The following NRG3 variants were observed in gnomAD, a reference collection of about 807,000 sequenced individuals.
The protein encoded by NRG3 is neuregulin 3.
A neutral mutation model predicts 66.9 loss-of-function variants in NRG3; 31 were observed. That is an observed-to-expected ratio of 0.46 (90% CI 0.35 to 0.63). NRG3 has a LOEUF of 0.63. NRG3 is among the 20% of genes least tolerant of loss of function. The pLI is 0.00. For missense variants in NRG3, 910 were observed against 878.9 expected (o/e 1.04, Z -0.45); for synonymous variants, 393 against 359.4 (o/e 1.09, Z -1.06).
intron 2 of NRG3, among the ~76,000 whole-genome samples, chr10:82,422,633 T>C (rs2089162483): frequency 7.1e-6 from 1 of 140,926 alleles, no homozygotes; most frequent in African/African-American, 3.1e-5. Flanking sequence ...ACAACATTGT[T>C]TTTTGTTTTG....
intron 2 of NRG3, among the ~76,000 whole-genome samples, chr10:82,419,220 A>G (rs981740665): frequency 6.6e-6 from 1 of 152,320 alleles, no homozygotes. Context: ...AAATTCAGAA[A>G]AGATTCTTAG....
chr10:82,208,885 A>G (rs948673335), intron 1 of NRG3, among the ~76,000 whole-genome samples: 8 of 152,170 alleles, frequency 5.3e-5, no homozygotes, highest in African/African-American at 1.9e-4. Flanking sequence ...AATATAATGC[A>G]CACAGTAATC....
intron 1 of NRG3, among the ~76,000 whole-genome samples, chr10:82,202,136 A>G (rs2074861983): frequency 6.6e-6 from 1 of 152,228 alleles, no homozygotes; most frequent in South Asian, 2.1e-4. Flanking sequence ...ACACAGGTAT[A>G]GATTTAGAGA....
intron 4 of NRG3, among the ~76,000 whole-genome samples, chr10:82,888,834 G>C (rs1379007833): frequency 1.3e-5 from 2 of 152,026 alleles, no homozygotes; most frequent in Non-Finnish European, 2.9e-5. Flanking sequence ...GCCAGGGAAG[G>C]CCTCACTAAG....
chr10:82,042,189 AT>A lies in NRG3; in HGVS notation c.823+166033del, dbSNP rs1247846618. On this transcript the variant is annotated intron_variant, in intron 1 of 8. Coordinates refer to ENST00000372141, the MANE Select transcript of NRG3 (RefSeq NM_001010848.4). ...CGAAACCAAAATTATAGAGAACAGA[AT>A]TTTTTTAAAAAAATTTGAGTATATT... 3.3e-5 allele frequency among the ~76,000 whole-genome samples: 5 copies of A among 152,168 alleles called. No homozygotes were observed. In the South Asian group the frequency reaches 8.3e-4, roughly 25 times the overall value.
chr10:82,782,615 T>C (rs1206024264), intron 3 of NRG3, among the ~76,000 whole-genome samples: 2 of 152,046 alleles, frequency 1.3e-5, no homozygotes, highest in Non-Finnish European at 2.9e-5. Context: ...GGCTACGGGC[T>C]AGAAGAATTT....
chr10:82,524,050 C>A (rs968622566), intron 2 of NRG3, among the ~76,000 whole-genome samples: 2 of 152,102 alleles, frequency 1.3e-5, no homozygotes, highest in Non-Finnish European at 2.9e-5. Flanking sequence ...GATAAGTGGT[C>A]TTCACAATTA....
chr10:82,164,170 G>A (rs1026091416), intron 1 of NRG3, among the ~76,000 whole-genome samples: 1 of 151,926 alleles, frequency 6.6e-6, no homozygotes, highest in Admixed American at 6.6e-5. Context: ...ACCTGTGTAG[G>A]CCTCCCAATG....
intron 2 of NRG3, among the ~76,000 whole-genome samples, chr10:82,624,244 A>G (rs1014740863): frequency 6.6e-6 from 1 of 152,162 alleles, no homozygotes; most frequent in Non-Finnish European, 1.5e-5. Context: ...AAATCTGTAC[A>G]TTTTATTAAA....
At position 82,245,992 on chromosome 10, in the gene NRG3, T is replaced by TG. The variant is rs1290795011; in HGVS notation, c.824-112747_824-112746insG. ...CCAGTCTTCTGGTTTTTTTTTTTTT[T>TG]TTTTTTTTTAACTCAACATATATTG... On this transcript the variant is annotated intron_variant, in intron 1 of 8. Transcript: ENST00000372141. Among the ~76,000 whole-genome samples, 18 of 150,872 alleles carry TG rather than the reference T, an allele frequency of 1.2e-4. No homozygotes were observed. In the South Asian group the frequency reaches 1.3e-3, roughly 11 times the overall value.
chr10:82,951,547 G>A lies in NRG3; in HGVS notation c.1133G>A (p.Cys378Tyr). The change falls in exon 5 of 9, where the codon TGT (cysteine) becomes TAT (tyrosine). Residue 378 changes from cysteine (C) to tyrosine (Y), a missense_variant. Transcript: ENST00000372141. ...IFGIVIVGMF[C>Y]AAFYFKSKKQ... ...GGAATTGTCATCGTGGGCATGTTCT[G>A]TGCAGCATTCTACTTCAAAAGCAAG... is the stretch of plus-strand genomic sequence containing the variant. 1.2e-6 allele frequency: 2 copies of A among 1,613,728 alleles called. No homozygotes were observed. Among genetic ancestry groups the A allele is most frequent in the South Asian group, 1.1e-5 (1 of 91,068 alleles).
At chr10:82,389,943 A>G (rs1589953848) in intron 2 of NRG3, among the ~76,000 whole-genome samples, 1 of 152,182 alleles carries the variant, frequency 6.6e-6, no homozygotes, top group Non-Finnish European at 1.5e-5. Context: ...TACTTGGGCC[A>G]TTTATTGTAC....
intron 1 of NRG3, among the ~76,000 whole-genome samples, chr10:82,349,844 C>A (rs2083307922): frequency 1.3e-5 from 2 of 152,206 alleles, no homozygotes; most frequent in South Asian, 4.1e-4. Context: ...GTGTCTGTCA[C>A]CCCTTTCTTT....
chr10:82,231,705 G>A (rs2076474598), intron 1 of NRG3, among the ~76,000 whole-genome samples: 1 of 152,130 alleles, frequency 6.6e-6, no homozygotes, highest in Non-Finnish European at 1.5e-5. Flanking sequence ...AAACATATTA[G>A]TTGCAGGAGA....
At chr10:82,101,014 C>A (rs531600741) in intron 1 of NRG3, among the ~76,000 whole-genome samples, 26 of 152,090 alleles carry the variant, frequency 1.7e-4, no homozygotes, top group African/African-American at 6.0e-4. Context: ...CACATTAGTT[C>A]TTTAGTAGAT....
chr10:82,289,747 T>A (rs1278519496), intron 1 of NRG3, among the ~76,000 whole-genome samples: 2 of 152,216 alleles, frequency 1.3e-5, no homozygotes, highest in African/African-American at 4.8e-5. Flanking sequence ...AATATAACAT[T>A]TTTAACAAGA....
chr10:82,047,705 C>T (rs4363533), intron 1 of NRG3, among the ~76,000 whole-genome samples: 132,040 of 149,966 alleles, frequency 0.88, 59,167 homozygotes, highest in South Asian at 0.99. Context: ...ATGAGCAAAA[C>T]AACCAGCTAA....
intron 3 of NRG3, among the ~76,000 whole-genome samples, chr10:82,772,795 T>A (rs1229796496): frequency 6.8e-6 from 1 of 146,010 alleles, no homozygotes; most frequent in African/African-American, 2.6e-5. Context: ...AGCCTCGACC[T>A]CCTGGGCTCA....
chr10:82,867,881 C>A (rs772378005), intron 4 of NRG3, among the ~76,000 whole-genome samples: 2 of 152,050 alleles, frequency 1.3e-5, no homozygotes, highest in Admixed American at 6.6e-5. Context: ...CCTCCTCATT[C>A]GCTAATGATG....
Sources: allele counts gnomAD v4.1 joint callset (sites outside exome capture counted in the v4.1 genomes callset), GRCh38; gene constraint gnomAD v4.1.1; transcripts MANE v1.5; gene names NCBI Gene and HGNC (gene_info 2026-07-23, HGNC 2026-07-21).